Variants in SCYL2 observed in about 807,000 individuals in gnomAD.
SCYL2 encodes the protein SCY1-like protein 2.
SCYL2 carries 36 observed loss-of-function variants against 100.4 expected under a neutral mutation model. That is an observed-to-expected ratio of 0.36 (90% CI 0.27 to 0.47). SCYL2 has a LOEUF of 0.47. Among genes scored for constraint, SCYL2 ranks in the 20% least tolerant of loss-of-function variants. SCYL2 has a pLI of 1.00. For synonymous variants in SCYL2, 330 were observed against 359.2 expected, an observed-to-expected ratio of 0.92 and a Z score of 0.92; for missense variants, 902 against 1,083.9, an observed-to-expected ratio of 0.83 and a Z score of 2.36.
chr12:100,285,433 G>A (rs761442254), intron 2 of SCYL2, among the ~76,000 whole-genome samples: 39 of 152,262 alleles, frequency 2.6e-4, no homozygotes, highest in South Asian at 6.2e-4. Context: ...CACATATGAC[G>A]CATTACCTAG....
At chr12:100,269,987 CTTTTT>C (rs548843835) in intron 1 of SCYL2, among the ~76,000 whole-genome samples, 1 of 142,998 alleles carries the variant, frequency 7.0e-6, no homozygotes, top group Non-Finnish European at 1.5e-5. Context: ...AGATTTTATA[CTTTTT>C]TTTTTTTTTT....
intron 11 of SCYL2, among the ~76,000 whole-genome samples, chr12:100,324,880 T>C (rs1354395256): frequency 6.6e-6 from 1 of 152,210 alleles, no homozygotes; most frequent in Non-Finnish European, 1.5e-5. Flanking sequence ...CTTACAATCA[T>C]ACTATGTACC....
chr12:100,300,583 T>C (rs764882540), intron 4 of SCYL2, among the ~76,000 whole-genome samples: 3 of 152,042 alleles, frequency 2.0e-5, no homozygotes, highest in Non-Finnish European at 2.9e-5. Flanking sequence ...CTAGGTCTTA[T>C]TCATTTTTTT....
intron 4 of SCYL2, among the ~76,000 whole-genome samples, chr12:100,304,071 C>G (rs1404688558): frequency 2.0e-5 from 3 of 152,106 alleles, no homozygotes; most frequent in Non-Finnish European, 2.9e-5. Flanking sequence ...GGAAAACCAC[C>G]TACTGAAGCT....
At chr12:100,319,634 C>T (rs1388029465) in intron 10 of SCYL2, among the ~76,000 whole-genome samples, 1 of 152,210 alleles carries the variant, frequency 6.6e-6, no homozygotes, top group Non-Finnish European at 1.5e-5. Flanking sequence ...GTTCTCGTGT[C>T]TCAGCCTCCC....
In SCYL2 at chr12:100,314,556, A is replaced by G. The variant is rs762518263; in HGVS notation, c.1037A>G (p.Asn346Ser). ...QYFDTLFQRD[N>S]LQKSQFFKGL... Reference sequence around the variant, plus strand: ...TTTGATACCTTATTCCAAAGAGATAATCTTCAGAAATCACAGTTTTTCAAA... The same window carrying G: ...TTTGATACCTTATTCCAAAGAGATAGTCTTCAGAAATCACAGTTTTTCAAA... The change falls in exon 8 of 18, where the codon AAT (asparagine) becomes AGT (serine). Residue 346 changes from asparagine (N) to serine (S), a missense_variant. Asn to Ser is a conservative substitution (Grantham distance 46). Transcript: ENST00000360820. The G allele has an allele frequency of 2.5e-6, 4 of 1,601,064 alleles. No homozygotes were observed. Among genetic ancestry groups the G allele is most frequent in the South Asian group, 1.1e-5 (1 of 88,098 alleles).
chr12:100,294,508 G>A (rs2096315594), intron 3 of SCYL2, among the ~76,000 whole-genome samples: 1 of 75,676 alleles, frequency 1.3e-5, no homozygotes, highest in Non-Finnish European at 2.9e-5. Flanking sequence ...CCAGGCGGGG[G>A]GCTGACTCCC....
chr12:100,311,296 A>T, intron 5 of SCYL2, 103 bp downstream of exon 5: 1 of 1,099,268 alleles, frequency 9.1e-7, no homozygotes, highest in Non-Finnish European at 1.2e-6. Context: ...ATGTTTAGAT[A>T]TACAGCTTTA....
Position 100,294,769 on chromosome 12 carries a change from G to T in SCYL2, c.335+3109G>T, listed in dbSNP as rs368878192. Among the ~76,000 whole-genome samples the T allele has an allele frequency of 1.9e-4, 27 of 140,884 alleles. No homozygotes were observed. The East Asian group carries it at 5.3e-3, about 28-fold the overall frequency. The allele number at this position is 140,884 out of a possible 152,430, so 92.4% of individuals were successfully genotyped here. ...GGGCTGACCCCCCCACCTCCCTCCC[G>T]GACGGGGCGGCTGGCCGGGCGGGGG... is the stretch of plus-strand genomic sequence containing the variant. On this transcript the variant is annotated intron_variant, in intron 3 of 17. Coordinates refer to ENST00000360820, the MANE Select transcript of SCYL2 (RefSeq NM_017988.6).
In SCYL2 at chr12:100,339,174, GTGTCTT is replaced by G; in HGVS notation, c.*3_*8del. On this transcript the variant is annotated 3_prime_UTR_variant, in exon 18 of 18. Transcript: ENST00000360820. Reference sequence around the variant, plus strand: ...GATTTAAAAGATCTTTTTGGGTGAGGTGTCTTACTTCTATTTTGAAGGATTATTTCA... The same window carrying G: ...GATTTAAAAGATCTTTTTGGGTGAGGACTTCTATTTTGAAGGATTATTTCA... The G allele has an allele frequency of 6.2e-7, 1 of 1,609,500 alleles. No homozygotes were observed. The highest frequency in any genetic ancestry group is 8.5e-7 in the Non-Finnish European group (1 of 1,178,086).
intron 12 of SCYL2, 59 bp downstream of exon 12, chr12:100,326,813 C>T: frequency 6.9e-7 from 1 of 1,458,804 alleles, no homozygotes; most frequent in South Asian, 1.2e-5. Flanking sequence ...ATTTTCCAAT[C>T]TATAAAACAA....
rs548904978 is a variant in SCYL2, at chr12:100,284,708, C to T, written c.177+1561C>T. On this transcript the variant is annotated intron_variant, in intron 2 of 17. Coordinates refer to ENST00000360820, the MANE Select transcript of SCYL2 (RefSeq NM_017988.6). ...GAACTCCTGACCTCAAGTGATCCGCCCGTCTCGGCCTCCCAAAGTGCTGGA... is the reference window on the plus strand; with the variant it reads ...GAACTCCTGACCTCAAGTGATCCGCTCGTCTCGGCCTCCCAAAGTGCTGGA... Among the ~76,000 whole-genome samples, 9 of 152,284 alleles carry T rather than the reference C, an allele frequency of 5.9e-5. 1 individual carries two copies. Among genetic ancestry groups the T allele is most frequent in the African/African-American group, 1.7e-4 (7 of 41,564 alleles).
At chr12:100,272,577 A>G (rs553332893) in intron 1 of SCYL2, among the ~76,000 whole-genome samples, 7 of 152,286 alleles carry the variant, frequency 4.6e-5, no homozygotes, top group South Asian at 2.1e-4. Flanking sequence ...CCTATTAGAT[A>G]TCTCCATCTG....
chr12:100,287,531 A>G (rs866966227), intron 2 of SCYL2, among the ~76,000 whole-genome samples: 1 of 152,234 alleles, frequency 6.6e-6, no homozygotes, highest in African/African-American at 2.4e-5. Flanking sequence ...GACAAATACT[A>G]CAGTCTTTTA....
intron 2 of SCYL2, 134 bp downstream of exon 2, chr12:100,283,281 T>G (rs1249280027): frequency 4.5e-6 from 3 of 673,202 alleles, no homozygotes; most frequent in Non-Finnish European, 7.3e-6. Context: ...AGTTCTCATT[T>G]TATCTTATTA....
Position 100,339,339 on chromosome 12 carries a change from A to AC in SCYL2, c.*169dup. On this transcript the variant is annotated 3_prime_UTR_variant, in exon 18 of 18. Transcript: ENST00000360820. ...AGCATAGTAGTTGTATGGACTTCTAACCAGTTGAGTTTTTTAAAGCATTGA... is the reference window on the plus strand; with the variant it reads ...AGCATAGTAGTTGTATGGACTTCTAACCCAGTTGAGTTTTTTAAAGCATTGA... 1.5e-6 allele frequency: 1 copy of AC among 674,960 alleles called. No individual in the cohort carries two copies. 41.8% of individuals were successfully genotyped at this position (674,960 alleles called of 1,614,324 possible).
Position 100,334,206 on chromosome 12 carries a change from G to A in SCYL2, c.1802G>A (p.Arg601Lys). ...FISVIKEMLN[R>K]LESEHKTKLE... ...TCCGTCATAAAAGAAATGCTTAATA[G>A]ATTGGAGTCTGAACATAAGACTAAA... Residue 601 changes from arginine (R) to lysine (K), a missense_variant, in exon 14 of 18, where the codon AGA becomes AAA. Transcript: ENST00000360820. The A allele has an allele frequency of 6.2e-7, 1 of 1,605,506 alleles. No homozygotes were observed. The highest frequency in any genetic ancestry group is 8.5e-7 in the Non-Finnish European group (1 of 1,175,456).
In SCYL2 at chr12:100,335,805, T is replaced by G. The variant is rs761607778; in HGVS notation, c.1930-6T>G. ...TATTTAAATTATTGACATTTTTCTATTTCAGCAAATTGACAAAGTTTTTAA... is the reference window on the plus strand; with the variant it reads ...TATTTAAATTATTGACATTTTTCTAGTTCAGCAAATTGACAAAGTTTTTAA... On this transcript the variant is annotated splice_region_variant and splice_polypyrimidine_tract_variant and intron_variant, in intron 15 of 17. Transcript: ENST00000360820. 1 of 1,610,830 alleles carries G rather than the reference T, an allele frequency of 6.2e-7. No individual in the cohort carries two copies. The highest frequency in any genetic ancestry group is 8.5e-7 in the Non-Finnish European group (1 of 1,177,802).
chr12:100,314,126 C>G (rs1456840792), intron 7 of SCYL2, among the ~76,000 whole-genome samples: 1 of 152,220 alleles, frequency 6.6e-6, no homozygotes, highest in Non-Finnish European at 1.5e-5. Context: ...GATCTGCCTA[C>G]CTCGGCCTCC....
Sources: allele counts gnomAD v4.1 joint callset (sites outside exome capture counted in the v4.1 genomes callset), GRCh38; gene constraint gnomAD v4.1.1; transcripts MANE v1.5; gene names NCBI Gene and HGNC (gene_info 2026-07-23, HGNC 2026-07-21).